The following FMN2 variants were observed in gnomAD, a reference collection of about 807,000 sequenced individuals.
The protein encoded by FMN2 is formin-2.
FMN2 carries 51 observed loss-of-function variants against 142.3 expected under a neutral mutation model. That is an observed-to-expected ratio of 0.36 (90% CI 0.29 to 0.45). FMN2 has a LOEUF of 0.45. Among genes scored for constraint, FMN2 ranks in the 20% least tolerant of loss-of-function variants. The probability of loss-of-function intolerance (pLI) is 1.00; values close to 1 mark genes in which losing one functional copy is unlikely to be tolerated. For synonymous variants in FMN2, 882 were observed against 869.8 expected (o/e 1.01, Z -0.25); for missense variants, 1,936 against 2,122.8 (o/e 0.91, Z 1.73).
At chr1:240,284,619 G>T (rs1228915204) in intron 7 of FMN2, among the ~76,000 whole-genome samples, 3 of 152,088 alleles carry the variant, frequency 2.0e-5, no homozygotes, top group Non-Finnish European at 4.4e-5. Flanking sequence ...CACAAACTTA[G>T]CTAGGTAAGA....
intron 15 of FMN2, among the ~76,000 whole-genome samples, chr1:240,423,156 G>A (rs1674830998): frequency 6.6e-6 from 1 of 152,144 alleles, no homozygotes; most frequent in African/African-American, 2.4e-5. Flanking sequence ...AAGACATGGA[G>A]GATCCCTCAA....
chr1:240,336,816 G>A (rs1444168411), intron 13 of FMN2, among the ~76,000 whole-genome samples: 1 of 152,078 alleles, frequency 6.6e-6, no homozygotes, highest in East Asian at 1.9e-4. Context: ...GAATCAGCTT[G>A]AAGAGCTATT....
chr1:240,302,367 A>G (rs1171280797), intron 8 of FMN2, among the ~76,000 whole-genome samples: 3 of 152,040 alleles, frequency 2.0e-5, no homozygotes, highest in Admixed American at 6.5e-5. Context: ...GACCCAGAAT[A>G]TTGAAAAATT....
intron 17 of FMN2, among the ~76,000 whole-genome samples, chr1:240,472,684 T>C (rs1676849619): frequency 6.6e-6 from 1 of 152,074 alleles, no homozygotes; most frequent in Non-Finnish European, 1.5e-5. Flanking sequence ...TGGTGGCTCA[T>C]GCCTGTAATT....
intron 11 of FMN2, 63 bp from the exon 12 acceptor site, chr1:240,333,824 G>C: frequency 1.6e-6 from 2 of 1,277,452 alleles, no homozygotes; most frequent in South Asian, 1.5e-5. Flanking sequence ...ATCTTTTTTG[G>C]TAACACTTTA....
chr1:240,397,019 T>A (rs1558470467), intron 15 of FMN2, among the ~76,000 whole-genome samples: 1 of 152,224 alleles, frequency 6.6e-6, no homozygotes, highest in Non-Finnish European at 1.5e-5. Flanking sequence ...TTCAGTTCTT[T>A]GAGAAATCTC....
intron 13 of FMN2, among the ~76,000 whole-genome samples, chr1:240,347,549 G>A (rs1055543054): frequency 6.6e-6 from 1 of 152,048 alleles, no homozygotes; most frequent in African/African-American, 2.4e-5. Context: ...ATATCTTGGG[G>A]TTTTCTTCAA....
At chr1:240,177,073 G>A (rs1664948986) in intron 2 of FMN2, among the ~76,000 whole-genome samples, 1 of 152,082 alleles carries the variant, frequency 6.6e-6, no homozygotes, top group South Asian at 2.1e-4. Flanking sequence ...TTTACTTGAT[G>A]TGGATCAAAG....
chr1:240,411,967 A>C (rs910206426), intron 15 of FMN2, among the ~76,000 whole-genome samples: 11 of 152,174 alleles, frequency 7.2e-5, no homozygotes, highest in African/African-American at 2.4e-4. Context: ...GTACATCCTC[A>C]ATATAAACAG....
In FMN2 at chr1:240,356,669, G is replaced by T. The variant is rs533281015; in HGVS notation, c.4858+761G>T. On this transcript the variant is annotated intron_variant, in intron 14 of 17. Coordinates refer to ENST00000319653, the MANE Select transcript of FMN2 (RefSeq NM_020066.5). ...AAAGATCAGATTTATATCATGCCAT[G>T]CTCTGGGAAAGTTCTTGCTGTTTCA... Among the ~76,000 whole-genome samples the T allele has an allele frequency of 3.7e-3, 568 of 152,232 alleles. 3 individuals are homozygous for T. Among genetic ancestry groups the T allele is most frequent in the African/African-American group, 0.013 (543 of 41,536 alleles).
intron 2 of FMN2, among the ~76,000 whole-genome samples, chr1:240,152,323 A>C (rs1468297494): frequency 6.6e-6 from 1 of 151,860 alleles, no homozygotes; most frequent in East Asian, 1.9e-4. Flanking sequence ...AAAAAAGAAA[A>C]AGCCTTACAT....
chr1:240,209,814 G>T (rs1398129454), intron 5 of FMN2, among the ~76,000 whole-genome samples: 1 of 151,826 alleles, frequency 6.6e-6, no homozygotes, highest in Non-Finnish European at 1.5e-5. Context: ...TGAGGCAGGA[G>T]AATGGCATGA....
chr1:240,142,576 C>T lies in FMN2; in HGVS notation c.1782+19231C>T, dbSNP rs886489103. The T allele has an allele frequency of 1.1e-4, 144 of 1,306,910 alleles. 1 individual carries two copies. The highest frequency in any genetic ancestry group is 1.4e-4 in the Non-Finnish European group (132 of 948,876). The allele number at this position is 1,306,910 out of a possible 1,614,324, so 81.0% of individuals were successfully genotyped here. On this transcript the variant is annotated intron_variant, in intron 2 of 17. Transcript: ENST00000319653. Reference sequence around the variant, plus strand: ...AACAAAAGAGCAGGAGGCAACAATTCCCCCGGAAGTCTGCAGCTGTGTCCA... The same window carrying T: ...AACAAAAGAGCAGGAGGCAACAATTTCCCCGGAAGTCTGCAGCTGTGTCCA...
At chr1:240,216,967 A>G (rs1666928126) in intron 6 of FMN2, among the ~76,000 whole-genome samples, 2 of 152,180 alleles carry the variant, frequency 1.3e-5, no homozygotes, top group Admixed American at 1.3e-4. Flanking sequence ...AAAAAGTTAT[A>G]AAAATGTGTA....
At position 240,149,716 on chromosome 1, in the gene FMN2, A is replaced by C. The variant is rs569289974; in HGVS notation, c.1782+26371A>C. 1.5e-3 allele frequency among the ~76,000 whole-genome samples: 221 copies of C among 152,354 alleles called. 3 individuals carry two copies. Among genetic ancestry groups the C allele is most frequent in the African/African-American group, 4.9e-3 (205 of 41,586 alleles). On this transcript the variant is annotated intron_variant, in intron 2 of 17. Coordinates refer to ENST00000319653, the MANE Select transcript of FMN2 (RefSeq NM_020066.5). The stretch of plus-strand genomic sequence containing the variant: ...TTTCAAATTATGCAGAAGAATTCTC[A>C]GAACAGTATTCATTTCCAAATATAA...
chr1:240,375,020 T>C (rs1572244413), intron 14 of FMN2, among the ~76,000 whole-genome samples: 1 of 152,288 alleles, frequency 6.6e-6, no homozygotes, highest in East Asian at 1.9e-4. Flanking sequence ...GGGTTATTAA[T>C]TGGCCTAATT....
At chr1:240,465,240 C>T (rs183949947) in intron 16 of FMN2, among the ~76,000 whole-genome samples, 26 of 152,074 alleles carry the variant, frequency 1.7e-4, no homozygotes, top group African/African-American at 5.5e-4. Context: ...GAAAGACTCA[C>T]AGCTCCTAAG....
intron 15 of FMN2, among the ~76,000 whole-genome samples, chr1:240,398,972 TG>T (rs1251838164): frequency 1.3e-5 from 2 of 152,162 alleles, no homozygotes; most frequent in Non-Finnish European, 2.9e-5. Context: ...TTTGTTGTCA[TG>T]TTTCTCGCTG....
chr1:240,125,955 T>A (rs545324705), intron 2 of FMN2, among the ~76,000 whole-genome samples: 1 of 152,336 alleles, frequency 6.6e-6, no homozygotes, highest in East Asian at 1.9e-4. Flanking sequence ...CATTTTGTCT[T>A]CCTTTATTCA....
Sources: gnomAD v4.1 joint callset for allele counts (sites outside exome capture counted in the v4.1 genomes callset) on GRCh38, gnomAD v4.1.1 for gene constraint, MANE v1.5 for transcripts, NCBI Gene and HGNC (gene_info 2026-07-23, HGNC 2026-07-21) for gene names.